GABRB1: variants seen among roughly 807,000 people sequenced by gnomAD.
GABRB1 encodes gamma-aminobutyric acid type A receptor subunit beta1.
Under a neutral mutation model 51.6 loss-of-function variants are expected in GABRB1, and 17 were observed. The ratio of observed to expected loss-of-function variants is 0.33; its 90% CI spans 0.23 to 0.49. The LOEUF is 0.49. Ranked by LOEUF, GABRB1 falls within the 20% of genes least tolerant of loss-of-function variation. GABRB1 has a pLI of 0.99. For missense variants in GABRB1, 410 were observed against 600.6 expected (o/e 0.68, Z 3.32); for synonymous variants, 247 against 218.9 (o/e 1.13, Z -1.14).
At chr4:47,038,576 C>T (rs541700338) in intron 3 of GABRB1, among the ~76,000 whole-genome samples, 3 of 152,152 alleles carry the variant, frequency 2.0e-5, no homozygotes, top group Admixed American at 2.0e-4. Context: ...AAGGATTTAC[C>T]CAACCGGCCT....
chr4:47,101,567 C>A (rs1158977085), intron 3 of GABRB1, among the ~76,000 whole-genome samples: 1 of 151,882 alleles, frequency 6.6e-6, no homozygotes, highest in African/African-American at 2.4e-5. Context: ...CTGCAACCAA[C>A]CGTTTTAAGA....
intron 1 of GABRB1, among the ~76,000 whole-genome samples, chr4:47,024,756 T>C (rs1288682752): frequency 6.6e-6 from 1 of 151,436 alleles, no homozygotes. Flanking sequence ...CAAAGTTCAC[T>C]GTGTCATTCT....
chr4:47,166,959 T>C (rs771898450), intron 4 of GABRB1, among the ~76,000 whole-genome samples: 11 of 152,152 alleles, frequency 7.2e-5, no homozygotes, highest in Non-Finnish European at 1.5e-4. Context: ...AATTTAATCT[T>C]ACAAATTGAA....
At chr4:47,353,271 A>G (rs1182236060) in intron 5 of GABRB1, among the ~76,000 whole-genome samples, 3 of 152,206 alleles carry the variant, frequency 2.0e-5, no homozygotes, top group Non-Finnish European at 2.9e-5. Context: ...TCAAACTGCT[A>G]CAAAGTGTAA....
intron 4 of GABRB1, among the ~76,000 whole-genome samples, chr4:47,307,013 A>C (rs770728784): frequency 2.0e-5 from 3 of 152,150 alleles, no homozygotes; most frequent in Non-Finnish European, 4.4e-5. Flanking sequence ...TCACTGAATC[A>C]ATATGTTGTC....
intron 4 of GABRB1, among the ~76,000 whole-genome samples, chr4:47,276,751 G>A (rs979517684): frequency 1.3e-5 from 2 of 152,128 alleles, no homozygotes; most frequent in Non-Finnish European, 2.9e-5. Flanking sequence ...TTTTCAGCCA[G>A]ATAATTATTT....
At chr4:47,210,496 C>T (rs1277829368) in intron 4 of GABRB1, among the ~76,000 whole-genome samples, 1 of 152,076 alleles carries the variant, frequency 6.6e-6, no homozygotes, top group African/African-American at 2.4e-5. Context: ...TTTAAGGTAA[C>T]TATTTTTACA....
chr4:47,233,136 A>G (rs1461778422), intron 4 of GABRB1, among the ~76,000 whole-genome samples: 1 of 152,140 alleles, frequency 6.6e-6, no homozygotes, highest in Non-Finnish European at 1.5e-5. Flanking sequence ...TTGGCCTTCC[A>G]AAGTGCTGGG....
intron 4 of GABRB1, among the ~76,000 whole-genome samples, chr4:47,286,378 A>G (rs1723509244): frequency 6.6e-6 from 1 of 152,148 alleles, no homozygotes; most frequent in Admixed American, 6.5e-5. Flanking sequence ...ATATTGTGAT[A>G]TTTCTAATAC....
chr4:47,223,535 A>G (rs1283762679), intron 4 of GABRB1, among the ~76,000 whole-genome samples: 1 of 152,142 alleles, frequency 6.6e-6, no homozygotes, highest in African/African-American at 2.4e-5. Flanking sequence ...CCTGACAATT[A>G]TAAATCATTA....
At chr4:47,266,128 A>C (rs923002243) in intron 4 of GABRB1, among the ~76,000 whole-genome samples, 1 of 152,080 alleles carries the variant, frequency 6.6e-6, no homozygotes, top group Non-Finnish European at 1.5e-5. Context: ...ATACTGAGAG[A>C]TATGAGAGCA....
chr4:47,237,536 T>C (rs1721372670), intron 4 of GABRB1, among the ~76,000 whole-genome samples: 1 of 152,058 alleles, frequency 6.6e-6, no homozygotes, highest in African/African-American at 2.4e-5. Flanking sequence ...CACATTCTAA[T>C]TGTGAAGATT....
intron 5 of GABRB1, among the ~76,000 whole-genome samples, chr4:47,374,550 T>G (rs907848354): frequency 1.3e-5 from 2 of 152,194 alleles, no homozygotes; most frequent in Non-Finnish European, 2.9e-5. Context: ...GAACTTGCAG[T>G]TGGACCATTT....
chr4:47,237,388 A>T (rs1721366844), intron 4 of GABRB1, among the ~76,000 whole-genome samples: 1 of 152,078 alleles, frequency 6.6e-6, no homozygotes, highest in African/African-American at 2.4e-5. Flanking sequence ...ATAACCCTTC[A>T]CTGAAGGAGA....
intron 4 of GABRB1, among the ~76,000 whole-genome samples, chr4:47,178,078 T>C (rs530076557): frequency 1.3e-5 from 2 of 152,206 alleles, no homozygotes; most frequent in South Asian, 4.1e-4. Context: ...AAGTTTCCAA[T>C]ATGTCAGTTA....
chr4:47,311,784 G>T (rs1268863501), intron 4 of GABRB1, among the ~76,000 whole-genome samples: 1 of 152,096 alleles, frequency 6.6e-6, no homozygotes, highest in Non-Finnish European at 1.5e-5. Context: ...TGTCATCTAG[G>T]ATTCTAACAT....
At chr4:47,391,291 G>A (rs1334823929) in intron 5 of GABRB1, among the ~76,000 whole-genome samples, 2 of 152,200 alleles carry the variant, frequency 1.3e-5, no homozygotes, top group Non-Finnish European at 2.9e-5. Flanking sequence ...CAAAGTGCGT[G>A]TGAGCTTGGA....
chr4:47,121,983 G>GA (rs1244989176), intron 3 of GABRB1, among the ~76,000 whole-genome samples: 3 of 112,936 alleles, frequency 2.7e-5, no homozygotes, highest in African/African-American at 1.0e-4. Flanking sequence ...AACATACCCA[G>GA]AAAAAAGGCA....
At chr4:47,217,437 C>A (rs1354381597) in intron 4 of GABRB1, among the ~76,000 whole-genome samples, 1 of 151,714 alleles carries the variant, frequency 6.6e-6, no homozygotes, top group Non-Finnish European at 1.5e-5. Context: ...ATGACATCAC[C>A]TGAGAGATTA....
Sources: allele counts gnomAD v4.1 joint callset (sites outside exome capture counted in the v4.1 genomes callset), GRCh38; gene constraint gnomAD v4.1.1; transcripts MANE v1.5; gene names NCBI Gene and HGNC (gene_info 2026-07-23, HGNC 2026-07-21).